FSD1L: variants seen among roughly 807,000 people sequenced by gnomAD.
The protein encoded by FSD1L is FSD1-like protein.
In FSD1L, 45 loss-of-function variants were observed where a neutral mutation model predicts 71.6. The ratio of observed to expected loss-of-function variants is 0.63; its 90% CI spans 0.49 to 0.81. FSD1L has a LOEUF of 0.81. FSD1L is among the 30% of genes least tolerant of loss of function. The probability of loss-of-function intolerance (pLI) is 0.00; values close to 1 mark genes in which losing one functional copy is unlikely to be tolerated. For missense variants in FSD1L, 561 were observed against 618.1 expected (o/e 0.91, Z 0.98); for synonymous variants, 197 against 207.2 (o/e 0.95, Z 0.42).
chr9:105,524,835 A>C (rs894198031), intron 10 of FSD1L: 2 of 1,590,792 alleles, frequency 1.3e-6, no homozygotes, highest in Admixed American at 1.7e-5. Flanking sequence ...TGGTCCTGCT[A>C]TGCTAACAAG....
intron 10 of FSD1L, among the ~76,000 whole-genome samples, chr9:105,528,658 G>A (rs946138351): frequency 1.1e-4 from 17 of 152,022 alleles, no homozygotes. Context: ...TTAAAGATAA[G>A]ACCTAAAACC....
upstream of FSD1L, among the ~76,000 whole-genome samples, chr9:105,444,913 T>G (rs960651759): frequency 6.6e-6 from 1 of 152,224 alleles, no homozygotes; most frequent in Non-Finnish European, 1.5e-5. Flanking sequence ...CCTGATTCAG[T>G]AGATCCAGGG....
At chr9:105,544,112 A>G (rs1428816976) in intron 13 of FSD1L, among the ~76,000 whole-genome samples, 1 of 152,170 alleles carries the variant, frequency 6.6e-6, no homozygotes, top group Non-Finnish European at 1.5e-5. Flanking sequence ...CTGACTTTTT[A>G]ATGATCGCCA....
At chr9:105,526,069 T>C (rs1043920292) in intron 10 of FSD1L, 1 of 1,509,522 alleles carries the variant, frequency 6.6e-7, no homozygotes, top group African/African-American at 1.4e-5. Flanking sequence ...AAATCACATG[T>C]TCAGTATTCA....
chr9:105,522,691 A>T (rs969216072), intron 10 of FSD1L: 1 of 1,611,536 alleles, frequency 6.2e-7, no homozygotes, highest in Non-Finnish European at 8.5e-7. Context: ...GCCAAAGTCA[A>T]TAAAGAGGAC....
At chr9:105,522,040 T>C in intron 10 of FSD1L, 1 of 1,613,064 alleles carries the variant, frequency 6.2e-7, no homozygotes, top group Non-Finnish European at 8.5e-7. Context: ...GTACTGAAGA[T>C]GCCATCACAA....
chr9:105,537,259 G>A (rs914980767), intron 12 of FSD1L, among the ~76,000 whole-genome samples: 7 of 152,086 alleles, frequency 4.6e-5, no homozygotes, highest in African/African-American at 1.4e-4. Context: ...GTAATATTGT[G>A]CCCAAATAAT....
chr9:105,503,540 T>G (rs901568423), intron 7 of FSD1L, among the ~76,000 whole-genome samples: 5 of 152,184 alleles, frequency 3.3e-5, no homozygotes, highest in Admixed American at 3.3e-4. Flanking sequence ...CCACTTACCT[T>G]TTACATTCAG....
intron 7 of FSD1L, among the ~76,000 whole-genome samples, chr9:105,485,219 G>T (rs565629907): frequency 6.6e-6 from 1 of 152,316 alleles, no homozygotes; most frequent in South Asian, 2.1e-4. Flanking sequence ...TCTCTAGGCT[G>T]AGAAGTTCAA....
At position 105,471,988 on chromosome 9, in the gene FSD1L, C is replaced by G; in HGVS notation, c.424C>G (p.Pro142Ala). The G allele has an allele frequency of 7.0e-7, 1 of 1,430,608 alleles. No individual in the cohort carries two copies. Among genetic ancestry groups the G allele is most frequent in the Non-Finnish European group, 9.2e-7 (1 of 1,092,754 alleles). 88.6% of individuals were successfully genotyped at this position (1,430,608 alleles called of 1,614,324 possible). A position where few individuals can be genotyped will look rare whatever the true frequency, so the allele number is the denominator to read the frequency against. Reference protein sequence around the residue: ...FATRSLDIKEPEEFSKAARQI... With the variant: ...FATRSLDIKEAEEFSKAARQI... ...AACAAGGTCATTAGATATAAAGGAA[C>G]CTGAAGAATTTTCAAAGGTACACAA... Residue 142 changes from proline to alanine, a missense_variant, in exon 5 of 14, where the codon CCT (proline) becomes GCT (alanine). Pro to Ala is a conservative substitution (Grantham distance 27, BLOSUM62 -1). Around this residue, in one of 3 missense-constraint regions of FSD1L, gnomAD observed 410 missense variants for 413.5 expected, o/e 0.99. Transcript: ENST00000481272.
chr9:105,521,852 A>T, intron 10 of FSD1L: 1 of 1,612,440 alleles, frequency 6.2e-7, no homozygotes, highest in Non-Finnish European at 8.5e-7. Flanking sequence ...TGTTTATTAT[A>T]AACTCATCAA....
At chr9:105,516,802 A>C (rs556704778) in intron 10 of FSD1L, among the ~76,000 whole-genome samples, 1 of 152,320 alleles carries the variant, frequency 6.6e-6, no homozygotes, top group South Asian at 2.1e-4. Context: ...CAGCAAGGGA[A>C]CAAACCTGGA....
At chr9:105,523,165 T>G (rs1207218692) in intron 10 of FSD1L, 17 of 1,613,940 alleles carry the variant, frequency 1.1e-5, no homozygotes, top group Non-Finnish European at 1.4e-5. Context: ...ACAAGCAGTC[T>G]TAATCAGCAA....
At chr9:105,462,096 AAT>A (rs769925821) in intron 2 of FSD1L, among the ~76,000 whole-genome samples, 4 of 152,314 alleles carry the variant, frequency 2.6e-5, no homozygotes, top group Non-Finnish European at 5.9e-5. Context: ...AGACCAAAAA[AAT>A]ATGTAAATGG....
intron 13 of FSD1L, among the ~76,000 whole-genome samples, chr9:105,544,896 T>A (rs1270926905): frequency 3.3e-5 from 5 of 152,178 alleles, no homozygotes; most frequent in Non-Finnish European, 7.4e-5. Flanking sequence ...CTTAGGATTG[T>A]CTTGGCAATG....
chr9:105,535,761 C>T (rs957851589), intron 12 of FSD1L, among the ~76,000 whole-genome samples: 3 of 151,808 alleles, frequency 2.0e-5, no homozygotes, highest in South Asian at 2.1e-4. Context: ...TCATATACTG[C>T]GTAAACATAC....
intron 10 of FSD1L, among the ~76,000 whole-genome samples, chr9:105,532,980 T>C (rs1437664381): frequency 6.6e-6 from 1 of 152,244 alleles, no homozygotes; most frequent in East Asian, 1.9e-4. Flanking sequence ...CTTTAAGTTT[T>C]ATCTGTATTC....
rs1311879256 is a variant in FSD1L at position 105,549,232 on chromosome 9, A to T, written c.*2749A>T. ...AAACAGTTGTTTTCTAAAAACATGC[A>T]TTTAGTATGGCATTCTCTTTTAGCA... On this transcript the variant is annotated 3_prime_UTR_variant, in exon 14 of 14. Coordinates refer to ENST00000481272, the MANE Select transcript of FSD1L (RefSeq NM_001145313.3). 1 of 152,104 alleles carries T rather than the reference A, an allele frequency of 6.6e-6. No individual in the cohort carries two copies. Among genetic ancestry groups the T allele is most frequent in the East Asian group, 1.9e-4 (1 of 5,200 alleles). The allele number at this position is 152,104 out of a possible 1,614,324, so 9.4% of individuals were successfully genotyped here. A position where few individuals can be genotyped will look rare whatever the true frequency, so the allele number is the denominator to read the frequency against.
Position 105,472,001 on chromosome 9 carries a change from C to A in FSD1L, c.437C>A (p.Ser146Ter). 7.0e-7 allele frequency: 1 copy of A among 1,422,198 alleles called. No individual in the cohort carries two copies. Among genetic ancestry groups the A allele is most frequent in the South Asian group, 1.6e-5 (1 of 64,370 alleles). The allele number at this position is 1,422,198 out of a possible 1,614,324, so 88.1% of individuals were successfully genotyped here. ...GATATAAAGGAACCTGAAGAATTTTCAAAGGTACACAAAAACTGCATTAAT... is the reference window on the plus strand; with the variant it reads ...GATATAAAGGAACCTGAAGAATTTTAAAAGGTACACAAAAACTGCATTAAT... ...SLDIKEPEEF[S>*]KAARQIKDRV... The change falls in exon 5 of 14, where the codon TCA (serine) becomes TAA (stop). Residue 146 changes from serine (S) to a stop codon, truncating the protein, a stop_gained. Coordinates refer to ENST00000481272, the MANE Select transcript of FSD1L (RefSeq NM_001145313.3). LOFTEE classifies it high-confidence loss of function.
Sources: allele counts gnomAD v4.1 joint callset (sites outside exome capture counted in the v4.1 genomes callset), GRCh38; gene constraint gnomAD v4.1.1; regional missense constraint gnomAD v4.1.1; transcripts MANE v1.5; gene names NCBI Gene and HGNC (gene_info 2026-07-23, HGNC 2026-07-21).